Variants in PDE4D observed in about 807,000 individuals in gnomAD.
PDE4D encodes 3',5'-cyclic-AMP phosphodiesterase 4D.
A neutral mutation model predicts 87.4 loss-of-function variants in PDE4D; 24 were observed. That is an observed-to-expected ratio of 0.27 (90% CI 0.20 to 0.39). The LOEUF is 0.39. PDE4D is among the 10% of genes least tolerant of loss of function. The pLI is 1.00. For synonymous variants in PDE4D, 384 were observed against 383.2 expected (o/e 1.00, Z -0.02); for missense variants, 714 against 1,041.0 (o/e 0.69, Z 4.32).
At chr5:60,315,384 T>A (rs909551772) in intron 1 of PDE4D, among the ~76,000 whole-genome samples, 1 of 152,224 alleles carries the variant, frequency 6.6e-6, no homozygotes, top group Non-Finnish European at 1.5e-5. Context: ...TTCTGGATAT[T>A]AGCCCTTTGT....
chr5:59,564,445 G>T (rs1342446623), intron 1 of PDE4D, among the ~76,000 whole-genome samples: 3 of 152,172 alleles, frequency 2.0e-5, no homozygotes, highest in African/African-American at 4.8e-5. Flanking sequence ...ATGAAGAGTT[G>T]CCATGTGGTC....
chr5:60,051,050 A>T (rs1392774680), intron 2 of PDE4D, among the ~76,000 whole-genome samples: 1 of 152,222 alleles, frequency 6.6e-6, no homozygotes. Context: ...AAGTTTGTAG[A>T]GAACTACAAA....
chr5:59,656,085 C>T (rs546696339), intron 1 of PDE4D, among the ~76,000 whole-genome samples: 4 of 152,244 alleles, frequency 2.6e-5, no homozygotes, highest in African/African-American at 4.8e-5. Context: ...ACCACACACA[C>T]GTTTTCTATA....
rs148174832 is a variant in PDE4D at position 59,130,881 on chromosome 5, A to G, written c.808+49714T>C. Among the ~76,000 whole-genome samples, 583 of 152,338 alleles carry G rather than the reference A, an allele frequency of 3.8e-3. 7 individuals carry two copies. Among genetic ancestry groups the G allele is most frequent in the Non-Finnish European group, 5.7e-3 (386 of 68,022 alleles). On this transcript the variant is annotated intron_variant, in intron 5 of 14. Coordinates refer to ENST00000340635, the MANE Select transcript of PDE4D (RefSeq NM_001104631.2). ...GTGAATGGAAAGAAAAGGTTTAATCATATTTAAATACTCCAGACTATTGAG... is the reference window on the plus strand; with the variant it reads ...GTGAATGGAAAGAAAAGGTTTAATCGTATTTAAATACTCCAGACTATTGAG...
At chr5:59,088,181 C>G (rs1028089438) in intron 5 of PDE4D, among the ~76,000 whole-genome samples, 1 of 152,116 alleles carries the variant, frequency 6.6e-6, no homozygotes, top group Non-Finnish European at 1.5e-5. Context: ...CTGTTATTTT[C>G]TGGGAATACA....
At chr5:60,274,317 T>C (rs190807875) in intron 1 of PDE4D, among the ~76,000 whole-genome samples, 1 of 146,620 alleles carries the variant, frequency 6.8e-6, no homozygotes, top group Non-Finnish European at 1.5e-5. Flanking sequence ...TTTTATTTTG[T>C]TGTTATTTGT....
chr5:59,609,059 C>T (rs1453138746), intron 1 of PDE4D, among the ~76,000 whole-genome samples: 2 of 152,072 alleles, frequency 1.3e-5, no homozygotes, highest in African/African-American at 2.4e-5. Flanking sequence ...GCCAACAACT[C>T]GTGAGAGACC....
At chr5:59,840,267 T>C (rs1021906388) in intron 1 of PDE4D, among the ~76,000 whole-genome samples, 1 of 122,028 alleles carries the variant, frequency 8.2e-6, no homozygotes, top group African/African-American at 3.5e-5. Flanking sequence ...CACACACACA[T>C]CCCTTGTCAC....
intron 1 of PDE4D, among the ~76,000 whole-genome samples, chr5:59,511,335 T>C (rs1347880151): frequency 3.3e-5 from 5 of 151,910 alleles, no homozygotes; most frequent in Non-Finnish European, 1.5e-5. Flanking sequence ...GGAATAATAA[T>C]GTGGTTTAGA....
At chr5:59,838,533 T>A (rs540601773) in intron 1 of PDE4D, among the ~76,000 whole-genome samples, 2 of 152,208 alleles carry the variant, frequency 1.3e-5, no homozygotes, top group East Asian at 3.9e-4. Context: ...CCTACTAGGC[T>A]AGTTTTGATT....
chr5:60,148,062 G>C (rs984630271), intron 2 of PDE4D, among the ~76,000 whole-genome samples: 3 of 152,112 alleles, frequency 2.0e-5, no homozygotes, highest in Non-Finnish European at 4.4e-5. Flanking sequence ...GGCCATCTTG[G>C]AAGCTGGTTA....
intron 1 of PDE4D, chr5:60,188,418 C>T (rs1784947216): frequency 6.6e-6 from 1 of 151,882 alleles, no homozygotes; most frequent in Non-Finnish European, 1.5e-5. Flanking sequence ...ACAGCTAGAC[C>T]CTAAAAAGAA....
chr5:60,085,649 T>G (rs1374362060), intron 2 of PDE4D, among the ~76,000 whole-genome samples: 1 of 152,196 alleles, frequency 6.6e-6, no homozygotes, highest in Admixed American at 6.5e-5. Flanking sequence ...AAAGTCCTAC[T>G]CATGACGAGG....
At chr5:59,342,033 G>C (rs1045766711) in intron 1 of PDE4D, among the ~76,000 whole-genome samples, 7 of 152,130 alleles carry the variant, frequency 4.6e-5, no homozygotes, top group African/African-American at 1.7e-4. Context: ...CATACAAGCT[G>C]CAAGTGGAAG....
chr5:60,405,722 A>G (rs1741470991), intron 1 of PDE4D, among the ~76,000 whole-genome samples: 1 of 152,284 alleles, frequency 6.6e-6, no homozygotes, highest in Non-Finnish European at 1.5e-5. Context: ...TCTACTGAGT[A>G]TAAGCCAGAT....
chr5:59,316,256 A>C (rs1222596785), intron 1 of PDE4D, among the ~76,000 whole-genome samples: 1 of 152,202 alleles, frequency 6.6e-6, no homozygotes, highest in Non-Finnish European at 1.5e-5. Context: ...TATAGACATA[A>C]GATTCATGAA....
chr5:59,247,501 G>C (rs1003757039), intron 1 of PDE4D, among the ~76,000 whole-genome samples: 4 of 152,118 alleles, frequency 2.6e-5, no homozygotes, highest in Non-Finnish European at 4.4e-5. Flanking sequence ...TGACTGGATA[G>C]AGTACAATGG....
At chr5:60,251,753 G>A (rs551951129) in intron 1 of PDE4D, among the ~76,000 whole-genome samples, 118 of 151,908 alleles carry the variant, frequency 7.8e-4, no homozygotes, top group Middle Eastern at 3.4e-3. Flanking sequence ...TTGCTGGGCC[G>A]AATGGTAAAA....
At chr5:60,107,703 T>C (rs1296070618) in intron 2 of PDE4D, among the ~76,000 whole-genome samples, 2 of 152,166 alleles carry the variant, frequency 1.3e-5, no homozygotes, top group Admixed American at 1.3e-4. Flanking sequence ...GCTGGTTCAA[T>C]ATACACAAAT....
Sources: allele counts gnomAD v4.1 joint callset (sites outside exome capture counted in the v4.1 genomes callset), GRCh38; gene constraint gnomAD v4.1.1; transcripts MANE v1.5; gene names NCBI Gene and HGNC (gene_info 2026-07-23, HGNC 2026-07-21).